The following METAP1D variants were observed in gnomAD, a reference collection of about 807,000 sequenced individuals.
METAP1D encodes methionyl aminopeptidase type 1D, mitochondrial, also known as methionine aminopeptidase 1D, mitochondrial.
METAP1D carries 31 observed loss-of-function variants against 40.5 expected under a neutral mutation model. The observed-to-expected ratio is 0.77, with a 90% CI of 0.58 to 1.03. The LOEUF (loss-of-function observed/expected upper bound fraction) is 1.03. Among genes scored for constraint, METAP1D ranks in the 50% least tolerant of loss-of-function variants. METAP1D has a pLI of 0.00. For synonymous variants in METAP1D, 151 were observed against 146.4 expected, an observed-to-expected ratio of 1.03 and a Z score of -0.22; for missense variants, 411 against 420.7, an observed-to-expected ratio of 0.98 and a Z score of 0.20.
At chr2:172,017,988 G>A (rs1046885554) in intron 1 of METAP1D, among the ~76,000 whole-genome samples, 2 of 152,024 alleles carry the variant, frequency 1.3e-5, no homozygotes, top group African/African-American at 4.8e-5. Context: ...TTAGCCGAGT[G>A]TGGTGGCAGG....
chr2:172,080,417 G>A lies in METAP1D; in HGVS notation c.*11G>A, dbSNP rs1207863455. The A allele has an allele frequency of 2.5e-6, 4 of 1,613,770 alleles. No individual in the cohort carries two copies. In the Admixed American group the frequency reaches 5.0e-5, roughly 20 times the overall value. ...CCCCATGAGGCCTGAGGAGCCGCCC[G>A]AAGGTCGCGGTGACCTGGTGCCTTT... On this transcript the variant is annotated 3_prime_UTR_variant, in exon 10 of 10. Coordinates refer to ENST00000315796, the MANE Select transcript of METAP1D (RefSeq NM_199227.3).
chr2:172,045,699 ATGTGTGTGTGTG>A (rs796722451), intron 1 of METAP1D, among the ~76,000 whole-genome samples: 1 of 82,218 alleles, frequency 1.2e-5, no homozygotes, highest in African/African-American at 4.6e-5. Context: ...ATTCATATAT[ATGTGTGTGTGTG>A]TGTGTGTGTG....
At chr2:172,006,214 C>T (rs1359450604) in intron 1 of METAP1D, among the ~76,000 whole-genome samples, 5 of 149,440 alleles carry the variant, frequency 3.3e-5, no homozygotes, top group Non-Finnish European at 5.9e-5. Context: ...GACGAAGTCT[C>T]GCTCTGTCAC....
chr2:172,042,865 A>ACGTGTG (rs1689628264), intron 1 of METAP1D, among the ~76,000 whole-genome samples: 2 of 122,006 alleles, frequency 1.6e-5, no homozygotes, highest in African/African-American at 5.3e-5. Context: ...ATGTACATAT[A>ACGTGTG]TGTGTATGTG....
intron 1 of METAP1D, among the ~76,000 whole-genome samples, chr2:172,018,126 C>CAAAAAAAA (rs34937813): frequency 1.3e-5 from 1 of 76,722 alleles, no homozygotes; most frequent in Non-Finnish European, 2.4e-5. Flanking sequence ...GACTCTGTCT[C>CAAAAAAAA]AAAAAAAAAA....
intron 3 of METAP1D, 45 bp from the exon 4 acceptor site, chr2:172,065,559 A>G: frequency 6.3e-7 from 1 of 1,599,628 alleles, no homozygotes; most frequent in Admixed American, 1.7e-5. Flanking sequence ...AATACAAGAA[A>G]TGTCTTCAAT....
chr2:172,073,619 G>A (rs922016519), intron 6 of METAP1D, among the ~76,000 whole-genome samples: 5 of 152,108 alleles, frequency 3.3e-5, no homozygotes, highest in African/African-American at 9.7e-5. Context: ...TATGTCTGCC[G>A]CTAGAAAGGA....
rs530334111 is a variant in METAP1D at position 172,048,238 on chromosome 2, T to TG, written c.41-13259dup. Among the ~76,000 whole-genome samples, 15 of 152,324 alleles carry TG rather than the reference T, an allele frequency of 9.8e-5. No individual in the cohort carries two copies. The South Asian group carries it at 3.1e-3, about 32-fold the overall frequency. On this transcript the variant is annotated intron_variant, in intron 1 of 9. Transcript: ENST00000315796. ...TCTCATGATTACTTTGTGAATTACTTGCTTTGTGGATTATCCAAGGCACAT... is the reference window on the plus strand; with the variant it reads ...TCTCATGATTACTTTGTGAATTACTTGGCTTTGTGGATTATCCAAGGCACAT...
intron 7 of METAP1D, among the ~76,000 whole-genome samples, chr2:172,078,243 T>G (rs1338886065): frequency 6.6e-6 from 1 of 152,206 alleles, no homozygotes; most frequent in Admixed American, 6.5e-5. Flanking sequence ...TATGACTGTT[T>G]CTGTTTTTCT....
intron 1 of METAP1D, among the ~76,000 whole-genome samples, chr2:172,038,205 G>A (rs978930625): frequency 6.6e-6 from 1 of 152,168 alleles, no homozygotes; most frequent in Non-Finnish European, 1.5e-5. Flanking sequence ...CTATAATGTG[G>A]CCAAAATATA....
rs79029608 is a variant in METAP1D, at chr2:172,042,106, T to C, written c.41-19392T>C. Among the ~76,000 whole-genome samples, 447 of 123,944 alleles carry C rather than the reference T, an allele frequency of 3.6e-3. 117 individuals are homozygous for C. In the East Asian group the frequency reaches 0.045, roughly 13 times the overall value. The allele number at this position is 123,944 out of a possible 152,430, so 81.3% of individuals were successfully genotyped here. A position where few individuals can be genotyped will look rare whatever the true frequency, so the allele number is the denominator to read the frequency against. Reference sequence around the variant, plus strand: ...ATAAGCCACTGTGCCTGGCCAGAAATATATATTTTTTCATTTTAAAAAATA... The same window carrying C: ...ATAAGCCACTGTGCCTGGCCAGAAACATATATTTTTTCATTTTAAAAAATA... On this transcript the variant is annotated intron_variant, in intron 1 of 9. Transcript: ENST00000315796.
In METAP1D at chr2:172,044,552, G is replaced by A. The variant is rs1215932081; in HGVS notation, c.41-16946G>A. The stretch of plus-strand genomic sequence containing the variant: ...AGAGGTGGCAGTGAGCCGAGATCGT[G>A]CCACTGCACTCCAGCTTGGTGATAG... On this transcript the variant is annotated intron_variant, in intron 1 of 9. Transcript: ENST00000315796. Among the ~76,000 whole-genome samples the A allele has an allele frequency of 3.0e-5, 4 of 131,954 alleles. 1 individual carries two copies. The highest frequency in any genetic ancestry group is 7.0e-5 in the Non-Finnish European group (4 of 56,808). The allele number at this position is 131,954 out of a possible 152,430, so 86.6% of individuals were successfully genotyped here. A position where few individuals can be genotyped will look rare whatever the true frequency, so the allele number is the denominator to read the frequency against.
chr2:172,058,547 CTTT>C (rs77988030), intron 1 of METAP1D, among the ~76,000 whole-genome samples: 41 of 150,368 alleles, frequency 2.7e-4, no homozygotes, highest in Admixed American at 6.0e-4. Context: ...TATCAAGCAA[CTTT>C]TTTTTTTTTA....
chr2:172,058,975 T>C (rs1443080728), intron 1 of METAP1D, among the ~76,000 whole-genome samples: 1 of 152,202 alleles, frequency 6.6e-6, no homozygotes, highest in African/African-American at 2.4e-5. Flanking sequence ...AGGCCAGTTC[T>C]CAAGCTTCGT....
intron 5 of METAP1D, among the ~76,000 whole-genome samples, chr2:172,070,322 C>A (rs374119068): frequency 3.3e-5 from 5 of 152,158 alleles, no homozygotes; most frequent in African/African-American, 9.7e-5. Flanking sequence ...GATTTCACTT[C>A]TAGACATAGG....
chr2:172,049,296 C>G (rs1322588204), intron 1 of METAP1D, among the ~76,000 whole-genome samples: 1 of 151,344 alleles, frequency 6.6e-6, no homozygotes, highest in African/African-American at 2.4e-5. Flanking sequence ...ATCTTTAGTA[C>G]AAAAAGTAAC....
intron 1 of METAP1D, among the ~76,000 whole-genome samples, chr2:172,001,399 G>A (rs937286556): frequency 6.6e-5 from 10 of 152,168 alleles, no homozygotes; most frequent in East Asian, 1.9e-4. Context: ...TTAGCTGGGC[G>A]TGGTGGCGCA....
chr2:172,066,571 C>G (rs1022491287), intron 5 of METAP1D, among the ~76,000 whole-genome samples: 3 of 152,174 alleles, frequency 2.0e-5, no homozygotes, highest in Non-Finnish European at 4.4e-5. Context: ...TGCTATGTGT[C>G]ATGTTTTTGA....
rs116931759 is a variant in METAP1D, at chr2:172,022,033, T to C, written c.40+22024T>C. On this transcript the variant is annotated intron_variant, in intron 1 of 9. Coordinates refer to ENST00000315796, the MANE Select transcript of METAP1D (RefSeq NM_199227.3). ...AAAGTAGTCTTTTAATTTCATTTTT[T>C]AGTTTTGAGTTACAGGTTTCTGGCA... 9.2e-5 allele frequency among the ~76,000 whole-genome samples: 14 copies of C among 152,258 alleles called. No homozygotes were observed. In the East Asian group the frequency reaches 2.5e-3, roughly 27 times the overall value.
Sources: gnomAD v4.1 joint callset for allele counts (sites outside exome capture counted in the v4.1 genomes callset) on GRCh38, gnomAD v4.1.1 for gene constraint, MANE v1.5 for transcripts, NCBI Gene and HGNC (gene_info 2026-07-23, HGNC 2026-07-21) for gene names.